Variants in FRMD4A observed in about 807,000 individuals in gnomAD.
FRMD4A encodes the protein FERM domain containing 4A, also known as FERM domain-containing protein 4A.
FRMD4A carries 29 observed loss-of-function variants against 129.1 expected under a neutral mutation model. The ratio of observed to expected loss-of-function variants is 0.22; its 90% confidence interval spans 0.17 to 0.31. The LOEUF (loss-of-function observed/expected upper bound fraction) is 0.31. Among genes scored for constraint, FRMD4A ranks in the 10% least tolerant of loss-of-function variants. The pLI is 1.00. For missense variants in FRMD4A, 1,272 were observed against 1,375.8 expected, an observed-to-expected ratio of 0.92 and a Z score of 1.19; for synonymous variants, 634 against 571.6, an observed-to-expected ratio of 1.11 and a Z score of -1.56.
intron 2 of FRMD4A, among the ~76,000 whole-genome samples, chr10:13,917,182 G>C (rs2095018562): frequency 6.6e-6 from 1 of 152,148 alleles, no homozygotes; most frequent in Non-Finnish European, 1.5e-5. Flanking sequence ...GATTCGGATT[G>C]ACAAACACAG....
chr10:13,797,459 G>C (rs760851586), intron 4 of FRMD4A, among the ~76,000 whole-genome samples: 1 of 152,118 alleles, frequency 6.6e-6, no homozygotes, highest in Non-Finnish European at 1.5e-5. Flanking sequence ...CCGTGCAAAG[G>C]CCCCGGGGTG....
At chr10:13,660,222 A>AT in intron 20 of FRMD4A, 94 bp downstream of exon 20, 1 of 819,706 alleles carries the variant, frequency 1.2e-6, no homozygotes, top group Non-Finnish European at 2.0e-6. Flanking sequence ...GTTGATGTGG[A>AT]TTTTGTCACC....
intron 2 of FRMD4A, among the ~76,000 whole-genome samples, chr10:13,895,038 C>G (rs2094741698): frequency 6.6e-6 from 1 of 152,176 alleles, no homozygotes. Context: ...ATATGTAAAG[C>G]ACTTAGAACA....
chr10:14,240,531 G>A (rs911242369), intron 2 of FRMD4A, among the ~76,000 whole-genome samples: 5 of 152,092 alleles, frequency 3.3e-5, no homozygotes, highest in African/African-American at 9.7e-5. Context: ...CAGTGGCTAC[G>A]GGCCATTTCT....
At chr10:13,848,805 T>C (rs1420950842) in intron 3 of FRMD4A, among the ~76,000 whole-genome samples, 1 of 152,176 alleles carries the variant, frequency 6.6e-6, no homozygotes, top group East Asian at 1.9e-4. Flanking sequence ...AGAAGGAAGA[T>C]GGATCGTGTC....
chr10:14,247,194 G>A (rs1337263919), intron 2 of FRMD4A, among the ~76,000 whole-genome samples: 2 of 152,112 alleles, frequency 1.3e-5, no homozygotes, highest in African/African-American at 2.4e-5. Context: ...AGACCAGTGG[G>A]AGACTGTGAT....
intron 2 of FRMD4A, among the ~76,000 whole-genome samples, chr10:13,901,653 C>T (rs942125352): frequency 2.6e-5 from 4 of 151,672 alleles, no homozygotes; most frequent in Admixed American, 1.3e-4. Context: ...AGCAAATATT[C>T]CTTTTCCTAT....
intron 2 of FRMD4A, among the ~76,000 whole-genome samples, chr10:14,109,829 G>A (rs996685054): frequency 4.6e-5 from 7 of 151,642 alleles, no homozygotes; most frequent in Non-Finnish European, 1.0e-4. Context: ...AAAATTAGCC[G>A]GGTGTGGTGG....
chr10:14,051,656 C>A (rs1252216752), intron 2 of FRMD4A, among the ~76,000 whole-genome samples: 1 of 152,224 alleles, frequency 6.6e-6, no homozygotes, highest in Non-Finnish European at 1.5e-5. Context: ...AGGTGACAGG[C>A]TCTTTCATGG....
At chr10:13,776,720 C>T (rs4748056) in intron 6 of FRMD4A, among the ~76,000 whole-genome samples, 95,592 of 152,068 alleles carry the variant, frequency 0.63, 32,625 homozygotes, top group East Asian at 0.95. Flanking sequence ...TAGATTTTAA[C>T]ATACAGTAGG....
intron 2 of FRMD4A, among the ~76,000 whole-genome samples, chr10:14,149,779 C>T (rs993042757): frequency 6.6e-6 from 1 of 152,226 alleles, no homozygotes; most frequent in Non-Finnish European, 1.5e-5. Context: ...TGTATATGGG[C>T]AGTTGAGTGA....
chr10:13,869,388 CT>C (rs2094413825), intron 2 of FRMD4A, among the ~76,000 whole-genome samples: 1 of 152,246 alleles, frequency 6.6e-6, no homozygotes, highest in Non-Finnish European at 1.5e-5. Flanking sequence ...GGTGGGTGCA[CT>C]TTCCACCTTC....
intron 2 of FRMD4A, among the ~76,000 whole-genome samples, chr10:14,086,006 C>T (rs1360420135): frequency 1.3e-5 from 2 of 152,002 alleles, no homozygotes; most frequent in East Asian, 1.9e-4. Flanking sequence ...TATTTTATGC[C>T]GAGGTCTTTT....
chr10:13,671,679 T>C (rs1439947120), intron 16 of FRMD4A, among the ~76,000 whole-genome samples: 2 of 152,070 alleles, frequency 1.3e-5, no homozygotes, highest in South Asian at 4.2e-4. Flanking sequence ...TGTGAGTGAG[T>C]TGTATCAGGG....
chr10:14,278,935 T>A (rs935023081), intron 2 of FRMD4A, among the ~76,000 whole-genome samples: 2 of 152,140 alleles, frequency 1.3e-5, no homozygotes, highest in Non-Finnish European at 2.9e-5. Flanking sequence ...AGCGGCACGG[T>A]TGTAACTGCC....
intron 2 of FRMD4A, among the ~76,000 whole-genome samples, chr10:14,288,784 C>A (rs1235920225): frequency 6.6e-6 from 1 of 152,072 alleles, no homozygotes; most frequent in Non-Finnish European, 1.5e-5. Context: ...CCCCATTTCT[C>A]CCTCTCCTCC....
At chr10:14,138,254 G>A (rs1330911565) in intron 2 of FRMD4A, among the ~76,000 whole-genome samples, 4 of 152,162 alleles carry the variant, frequency 2.6e-5, no homozygotes, top group Non-Finnish European at 5.9e-5. Flanking sequence ...ACCTGCCTTT[G>A]CTCTCAAGGA....
At chr10:14,170,094 A>G (rs1433101337) in intron 2 of FRMD4A, among the ~76,000 whole-genome samples, 1 of 152,118 alleles carries the variant, frequency 6.6e-6, no homozygotes, top group East Asian at 1.9e-4. Context: ...AGTTTCACAT[A>G]CTCTATACTA....
intron 2 of FRMD4A, among the ~76,000 whole-genome samples, chr10:14,242,503 T>TA (rs549572294): frequency 3.3e-5 from 5 of 152,190 alleles, no homozygotes; most frequent in Non-Finnish European, 2.9e-5. Context: ...TTAATGGTAA[T>TA]AAAAAATGAC....
Sources: gnomAD v4.1 joint callset for allele counts (sites outside exome capture counted in the v4.1 genomes callset) on GRCh38, gnomAD v4.1.1 for gene constraint, MANE v1.5 for transcripts, NCBI Gene and HGNC (gene_info 2026-07-23, HGNC 2026-07-21) for gene names.